The following DDX5 variants were observed in gnomAD, a reference collection of about 807,000 sequenced individuals.
The protein encoded by DDX5 is probable ATP-dependent RNA helicase DDX5.
DDX5 carries 6 observed loss-of-function variants against 68.6 expected under a neutral mutation model. The ratio of observed to expected loss-of-function variants is 0.09; its 90% CI spans 0.05 to 0.17. The LOEUF (loss-of-function observed/expected upper bound fraction) is 0.17, where lower values mean the gene tolerates loss of function less well. Ranked by LOEUF, DDX5 falls within the 10% of genes least tolerant of loss-of-function variation. The pLI is 1.00. For synonymous variants in DDX5, 350 were observed against 247.0 expected (o/e 1.42, Z -3.91); for missense variants, 499 against 756.1 (o/e 0.66, Z 3.99).
rs782316360 is a variant in DDX5, at chr17:64,500,100, G to A, written c.1668C>T (p.Thr556=). The A allele has an allele frequency of 1.2e-6, 2 of 1,614,090 alleles. No homozygotes were observed. The highest frequency in any genetic ancestry group is 1.7e-6 in the Non-Finnish European group (2 of 1,180,006). ...CTGTTGGATTACCAGTCCTAAAACT[G>A]GTCTGTATACCAGCAGACACAAAAT... ...GSNFVSAGIQ[T]SFRTGNPTGT... The change falls in exon 13 of 13, where the codon ACC becomes ACT. Residue 556 remains threonine, a synonymous_variant. Transcript: ENST00000225792.
At chr17:64,500,877 T>A in intron 11 of DDX5, 104 bp from the exon 12 acceptor site, 1 of 797,056 alleles carries the variant, frequency 1.3e-6, no homozygotes, top group Admixed American at 2.3e-5. Flanking sequence ...CCCAAGAAGG[T>A]ACGGGCTGCA....
Position 64,502,568 on chromosome 17 carries a change from A to G in DDX5, c.984-19T>C, listed in dbSNP as rs2038323770. ...AATAAGTCTAATAATAGGAGAGAGA[A>G]AGGAAAAATCCTGAGTTTTAAAAGA... is the stretch of plus-strand genomic sequence containing the variant. On this transcript the variant is annotated intron_variant, in intron 8 of 12. Coordinates refer to ENST00000225792, the MANE Select transcript of DDX5 (RefSeq NM_004396.5). 4 of 1,565,474 alleles carry G rather than the reference A, an allele frequency of 2.6e-6. No individual in the cohort carries two copies. The highest frequency in any genetic ancestry group is 2.6e-6 in the Non-Finnish European group (3 of 1,140,068).
chr17:64,501,921 G>GC, intron 11 of DDX5, 89 bp downstream of exon 11: 1 of 1,335,132 alleles, frequency 7.5e-7, no homozygotes, highest in Non-Finnish European at 1.1e-6. Flanking sequence ...TAGAAAAAAT[G>GC]CAGGTTAAAG....
In DDX5 at chr17:64,502,557, T is replaced by G. The variant is rs782625600; in HGVS notation, c.984-8A>C. On this transcript the variant is annotated splice_polypyrimidine_tract_variant and splice_region_variant and intron_variant, in intron 8 of 12. Coordinates refer to ENST00000225792, the MANE Select transcript of DDX5 (RefSeq NM_004396.5). ...TCCATTAGACGAATAAGTCTAATAATAGGAGAGAGAAAGGAAAAATCCTGA... is the reference window on the plus strand; with the variant it reads ...TCCATTAGACGAATAAGTCTAATAAGAGGAGAGAGAAAGGAAAAATCCTGA... 1 of 1,581,014 alleles carries G rather than the reference T, an allele frequency of 6.3e-7. No individual in the cohort carries two copies. Among genetic ancestry groups the G allele is most frequent in the Non-Finnish European group, 8.7e-7 (1 of 1,152,190 alleles).
rs1186873730 is a variant in DDX5 at position 64,505,763 on chromosome 17, G to A, written c.44+313C>T. ...CGCCGCACCTAACAGATGTTCCTTC[G>A]TCTGCCTCGAAGCGTCCCGCTTTCA... On this transcript the variant is annotated intron_variant, in intron 1 of 12. Coordinates refer to ENST00000225792, the MANE Select transcript of DDX5 (RefSeq NM_004396.5). The A allele has an allele frequency of 2.6e-6, 4 of 1,535,964 alleles. No individual in the cohort carries two copies. In the African/African-American group the frequency reaches 5.5e-5, roughly 21 times the overall value.
chr17:64,505,803 TCC>T (rs1568109157), intron 1 of DDX5: 1 of 1,535,978 alleles, frequency 6.5e-7, no homozygotes. Context: ...CACAATACGC[TCC>T]CTCTCAACTC....
At chr17:64,505,587 C>A (rs2038456289) in intron 1 of DDX5, 3 of 780,294 alleles carry the variant, frequency 3.8e-6, no homozygotes, top group Admixed American at 4.4e-5. Flanking sequence ...AACAAAGGCG[C>A]CGCCGCCATG....
In DDX5 at chr17:64,502,247, TATTA is replaced by T. The variant is rs139129097; in HGVS notation, c.1095-28_1095-25del. The T allele has an allele frequency of 3.0e-3, 4,853 of 1,613,346 alleles. 113 individuals are homozygous for T. The African/African-American group carries it at 0.058, about 19-fold the overall frequency. On this transcript the variant is annotated intron_variant, in intron 9 of 12. Transcript: ENST00000225792. ...ACCTAAGTTAAAAGACAAGTTGTGT[TATTA>T]AACTCACATTGAAAACCTCAGACTC... is the stretch of plus-strand genomic sequence containing the variant.
Position 64,503,995 on chromosome 17 carries a change from C to A in DDX5, c.429G>T (p.Gly143=). ...CTCCCAAACTTACAGACAATGTTTTCCCAGATCCAGTCTGTGCCACTCCAA... is the reference window on the plus strand; with the variant it reads ...CTCCCAAACTTACAGACAATGTTTTACCAGATCCAGTCTGTGCCACTCCAA... The part of the protein sequence containing the change: ...DMVGVAQTGS[G]KTLSYLLPAI... The change falls in exon 4 of 13, where the codon GGG becomes GGT. Residue 143 remains glycine, a synonymous_variant. Transcript: ENST00000225792. 1 of 1,614,150 alleles carries A rather than the reference C, an allele frequency of 6.2e-7. No individual in the cohort carries two copies. Among genetic ancestry groups the A allele is most frequent in the Non-Finnish European group, 8.5e-7 (1 of 1,180,008 alleles).
chr17:64,500,838 C>A (rs1295824408), intron 11 of DDX5, 65 bp from the exon 12 acceptor site: 2 of 1,192,668 alleles, frequency 1.7e-6, no homozygotes, highest in South Asian at 1.3e-5. Flanking sequence ...AACAGCCAGA[C>A]CAAAAATAAA....
At chr17:64,505,635 T>G (rs1328474005) in intron 1 of DDX5, 1 of 1,176,894 alleles carries the variant, frequency 8.5e-7, no homozygotes, top group Non-Finnish European at 1.2e-6. Flanking sequence ...CTCAGCCACA[T>G]GGCTGATGCC....
intron 2 of DDX5, 99 bp downstream of exon 2, chr17:64,504,578 C>G: frequency 7.2e-7 from 1 of 1,393,960 alleles, no homozygotes; most frequent in Admixed American, 2.3e-5. Flanking sequence ...ACATGTAACT[C>G]TACCAAAATT....
intron 11 of DDX5, chr17:64,501,009 G>C: frequency 1.8e-6 from 1 of 561,412 alleles, no homozygotes; most frequent in Non-Finnish European, 3.2e-6. Context: ...CCTGTCAAAA[G>C]GAATGTGTGT....
Position 64,502,938 on chromosome 17 carries a change from T to C in DDX5, c.971A>G (p.Glu324Gly). ...LQIVDVCHDV[E>G]KDEKLIRLME... Reference sequence around the variant, plus strand: ...TAATAAAACTTACTTTTCATCCTTTTCTACGTCATGACACACATCCACAAT... The same window carrying C: ...TAATAAAACTTACTTTTCATCCTTTCCTACGTCATGACACACATCCACAAT... Residue 324 changes from glutamate (E) to glycine (G), a missense_variant, in exon 8 of 13, where the codon GAA becomes GGA. Physicochemically the swap from Glu to Gly is moderately conservative, Grantham distance 98. Coordinates refer to ENST00000225792, the MANE Select transcript of DDX5 (RefSeq NM_004396.5). The C allele has an allele frequency of 6.3e-7, 1 of 1,590,408 alleles. No homozygotes were observed. Among genetic ancestry groups the C allele is most frequent in the Non-Finnish European group, 8.6e-7 (1 of 1,168,272 alleles).
intron 1 of DDX5, 57 bp downstream of exon 1, chr17:64,506,019 G>GGCCCCCCCCCCCCCA: frequency 1.5e-6 from 2 of 1,360,362 alleles, no homozygotes; most frequent in Non-Finnish European, 2.0e-6. Context: ...CCGCCACCCT[G>GGCCCCCCCCCCCCCA]ACCCGCCCTC....
chr17:64,499,892 A>C lies in DDX5; in HGVS notation c.*31T>G. The stretch of plus-strand genomic sequence containing the variant: ...CACACAATATAAAGAGCAATTATGA[A>C]AAACAGACATTTACATATACTTCTA... On this transcript the variant is annotated 3_prime_UTR_variant, in exon 13 of 13. Transcript: ENST00000225792. 6.6e-7 allele frequency: 1 copy of C among 1,523,048 alleles called. No homozygotes were observed. 94.3% of individuals were successfully genotyped at this position (1,523,048 alleles called of 1,614,324 possible). A position where few individuals can be genotyped will look rare whatever the true frequency, so the allele number is the denominator to read the frequency against.
At position 64,499,524 on chromosome 17, in the gene DDX5, G is replaced by GAA; in HGVS notation, c.*397_*398dup. 2 of 176,870 alleles carry GAA rather than the reference G, an allele frequency of 1.1e-5. No homozygotes were observed. Among genetic ancestry groups the GAA allele is most frequent in the East Asian group, 8.1e-5 (1 of 12,406 alleles). The allele number at this position is 176,870 out of a possible 1,614,324, so 11.0% of individuals were successfully genotyped here. A position where few individuals can be genotyped will look rare whatever the true frequency, so the allele number is the denominator to read the frequency against. On this transcript the variant is annotated 3_prime_UTR_variant, in exon 13 of 13. Transcript: ENST00000225792. ...AAAGGAACAGTCATTTGTTTTCATG[G>GAA]AAAAAAAAAACCAAACAAAAACAAA...
In DDX5 at chr17:64,506,219, G is replaced by GCT; in HGVS notation, c.-101_-100insAG. ...ATGACGGCGAAGCCTTGCGGGGGCG[G>GCT]CAGCGGAGGAAGGACACCGATGACA... On this transcript the variant is annotated 5_prime_UTR_variant, in exon 1 of 13. Transcript: ENST00000225792. The GCT allele has an allele frequency of 6.4e-7, 1 of 1,558,412 alleles. No homozygotes were observed. The highest frequency in any genetic ancestry group is 8.7e-7 in the Non-Finnish European group (1 of 1,151,336).
At position 64,499,935 on chromosome 17, in the gene DDX5, T is replaced by C. The variant is rs1555670690; in HGVS notation, c.1833A>G (p.Gly611=). The C allele has an allele frequency of 2.5e-6, 4 of 1,601,736 alleles. No homozygotes were observed. The highest frequency in any genetic ancestry group is 3.4e-6 in the Non-Finnish European group (4 of 1,172,992). The part of the protein sequence containing the change: ...APMIGYPMPT[G]YSQ ...TACTTCTAAAGTCTTATTGGGAATA[T>C]CCTGTTGGCATTGGATAACCAATCA... Residue 611 remains glycine, a synonymous_variant, in exon 13 of 13, where the codon GGA becomes GGG. Transcript: ENST00000225792.
Sources: gnomAD v4.1 joint callset for allele counts on GRCh38, gnomAD v4.1.1 for gene constraint, MANE v1.5 for transcripts, NCBI Gene and HGNC (gene_info 2026-07-23, HGNC 2026-07-21) for gene names.